MGAM: variants seen among roughly 807,000 people sequenced by gnomAD.
The protein encoded by MGAM is maltase-glucoamylase.
Under a neutral mutation model 358.8 loss-of-function variants are expected in MGAM, and 253 were observed. That is an observed-to-expected ratio of 0.71 (90% CI 0.64 to 0.78). MGAM has a LOEUF of 0.78. Among genes scored for constraint, MGAM ranks in the 30% least tolerant of loss-of-function variants. The pLI, the probability that MGAM is intolerant of heterozygous loss-of-function variation, is 0.00. For missense variants in MGAM, 3,080 were observed against 3,432.6 expected (o/e 0.90, Z 2.57); for synonymous variants, 1,105 against 1,227.1 (o/e 0.90, Z 2.08).
Position 142,088,624 on chromosome 7 carries a change from T to C in MGAM, c.6810+1907T>C, listed in dbSNP as rs189050227. ...TATCTATCTATCTATCCACTCTATCTACTCAGGTTATATCTATCTTTCTAT... is the reference window on the plus strand; with the variant it reads ...TATCTATCTATCTATCCACTCTATCCACTCAGGTTATATCTATCTTTCTAT... On this transcript the variant is annotated intron_variant, in intron 57 of 70. Transcript: ENST00000475668. Among the ~76,000 whole-genome samples, 52 of 143,450 alleles carry C rather than the reference T, an allele frequency of 3.6e-4. 4 individuals are homozygous for C. Among genetic ancestry groups the C allele is most frequent in the African/African-American group, 1.3e-3 (51 of 40,690 alleles). 94.1% of individuals were successfully genotyped at this position (143,450 alleles called of 152,430 possible).
In MGAM at chr7:142,086,195, A is replaced by G. The variant is rs762530968; in HGVS notation, c.6637-23A>G. Reference sequence around the variant, plus strand: ...CATTCTGTGGCTTTGATTTTTCCCAACTGACTTATGCTTTGATTTCAGGAT... The same window carrying G: ...CATTCTGTGGCTTTGATTTTTCCCAGCTGACTTATGCTTTGATTTCAGGAT... On this transcript the variant is annotated intron_variant, in intron 55 of 70. Transcript: ENST00000475668. 11 of 1,506,082 alleles carry G rather than the reference A, an allele frequency of 7.3e-6. 1 individual carries two copies. The highest frequency in any genetic ancestry group is 4.7e-5 in the East Asian group (2 of 42,500). The allele number at this position is 1,506,082 out of a possible 1,614,324, so 93.3% of individuals were successfully genotyped here.
intron 27 of MGAM, among the ~76,000 whole-genome samples, chr7:142,055,178 G>C (rs1811382917): frequency 6.6e-6 from 1 of 152,166 alleles, no homozygotes; most frequent in African/African-American, 2.4e-5. Context: ...ACACAGCTGA[G>C]GTTTCTCTTC....
Position 142,063,535 on chromosome 7 carries a change from G to A in MGAM, c.4294G>A (p.Val1432Ile). 1 of 1,613,824 alleles carries A rather than the reference G, an allele frequency of 6.2e-7. No individual in the cohort carries two copies. The highest frequency in any genetic ancestry group is 8.5e-7 in the Non-Finnish European group (1 of 1,179,826). ...NEPSSFVNGAVSPGCRDASLN... is the reference protein window; with the variant it reads ...NEPSSFVNGAISPGCRDASLN... ...ACCATCAAGCTTCGTGAATGGGGCAGTTTCTCCAGGCTGCAGGGACGCCTC... is the reference window on the plus strand; with the variant it reads ...ACCATCAAGCTTCGTGAATGGGGCAATTTCTCCAGGCTGCAGGGACGCCTC... Residue 1432 changes from valine to isoleucine, a missense_variant, in exon 36 of 71, where the codon GTT (valine) becomes ATT (isoleucine). Val to Ile is a conservative substitution (Grantham distance 29, BLOSUM62 3). Around this residue, in one of 5 missense-constraint regions of MGAM, gnomAD observed 1,816 missense variants for 1,840.5 expected, o/e 0.99. Transcript: ENST00000475668.
intron 43 of MGAM, among the ~76,000 whole-genome samples, chr7:142,070,000 T>A (rs188912508): frequency 4.1e-4 from 59 of 145,416 alleles, no homozygotes; most frequent in African/African-American, 1.4e-3. Flanking sequence ...GAGACCATCC[T>A]AGCTAACACG....
intron 70 of MGAM, among the ~76,000 whole-genome samples, chr7:142,105,078 G>A (rs937633393): frequency 5.3e-5 from 8 of 152,030 alleles, no homozygotes; most frequent in African/African-American, 1.7e-4. Context: ...AAGCTGATGA[G>A]GGCACATGCA....
chr7:141,987,493 G>A (rs934604287), intron 2 of MGAM, among the ~76,000 whole-genome samples: 21 of 152,248 alleles, frequency 1.4e-4, no homozygotes, highest in South Asian at 4.1e-4. Flanking sequence ...GGACGAAGTC[G>A]GATCATCTGT....
intron 36 of MGAM, among the ~76,000 whole-genome samples, chr7:142,064,047 T>G (rs1585041712): frequency 6.6e-6 from 1 of 152,200 alleles, no homozygotes; most frequent in African/African-American, 2.4e-5. Context: ...AAATCTCAGT[T>G]TGCTAAATTG....
chr7:142,020,420 A>G (rs1234558770), intron 4 of MGAM, among the ~76,000 whole-genome samples: 2 of 152,010 alleles, frequency 1.3e-5, no homozygotes, highest in African/African-American at 4.8e-5. Flanking sequence ...GGAGGTTTTC[A>G]ATCAGATTTT....
intron 21 of MGAM, among the ~76,000 whole-genome samples, chr7:142,045,621 A>G (rs1200327798): frequency 1.8e-5 from 2 of 109,634 alleles, no homozygotes; most frequent in Admixed American, 2.6e-4. Context: ...TATTATATAC[A>G]TACAATATAT....
chr7:142,021,590 C>T lies in MGAM; in HGVS notation c.563C>T (p.Thr188Ile). 1.2e-6 allele frequency: 2 copies of T among 1,613,766 alleles called. No homozygotes were observed. Among genetic ancestry groups the T allele is most frequent in the Non-Finnish European group, 1.7e-6 (2 of 1,179,758 alleles). The change falls in exon 6 of 71, where the codon ACT (threonine) becomes ATT (isoleucine). Residue 188 changes from threonine to isoleucine, a missense_variant. Thr to Ile is a moderately conservative substitution (Grantham distance 89). This residue lies in a region of MGAM where 1,816 missense variants were observed against 1,840.5 expected (regional missense o/e 0.99). Transcript: ENST00000475668. The part of the protein sequence containing the change: ...QTSNRFHFKL[T>I]DQTNNRFEVP... ...TCTATTTCTATCTCTGCACAGTTGA[C>T]TGACCAAACCAATAACAGGTTTGAA...
At chr7:142,033,545 A>G (rs782238917) in intron 14 of MGAM, among the ~76,000 whole-genome samples, 4 of 152,308 alleles carry the variant, frequency 2.6e-5, no homozygotes, top group Non-Finnish European at 4.4e-5. Flanking sequence ...AGGCTTCAAT[A>G]TGGTGGGAAG....
chr7:142,061,327 G>A (rs537190774), intron 34 of MGAM, among the ~76,000 whole-genome samples: 2 of 151,972 alleles, frequency 1.3e-5, no homozygotes, highest in African/African-American at 4.8e-5. Context: ...TTCTAACCCT[G>A]CCTGATCTGG....
intron 13 of MGAM, among the ~76,000 whole-genome samples, chr7:142,032,584 T>C (rs1265424107): frequency 6.6e-6 from 1 of 152,134 alleles, no homozygotes; most frequent in African/African-American, 2.4e-5. Flanking sequence ...TCACCTGATA[T>C]GTTTGGGAAT....
At chr7:142,027,570 C>G in intron 9 of MGAM, 40 bp from the exon 10 acceptor site, 1 of 1,607,682 alleles carries the variant, frequency 6.2e-7, no homozygotes, top group Non-Finnish European at 8.5e-7. Context: ...TTATTAAAAA[C>G]AGAGTATTTG....
chr7:142,064,397 G>A lies in MGAM; in HGVS notation c.4359G>A (p.Arg1453=), dbSNP rs749019137. ...CTTCCTCCTCAGATTTGGAGTCCAG[G>A]GACAGGGGCCTGAGCAGCAAGACCC... ...HPPYMPHLES[R]DRGLSSKTLC... Residue 1453 remains arginine (R), a synonymous_variant, in exon 37 of 71, where the codon AGG becomes AGA. Transcript: ENST00000475668. 10 of 1,608,506 alleles carry A rather than the reference G, an allele frequency of 6.2e-6. 1 individual carries two copies. The South Asian group carries it at 6.7e-5, about 11-fold the overall frequency.
intron 1 of MGAM, among the ~76,000 whole-genome samples, chr7:142,003,533 T>A (rs782289992): frequency 6.6e-6 from 1 of 151,988 alleles, no homozygotes; most frequent in Non-Finnish European, 1.5e-5. Context: ...TCTCTCACCA[T>A]GTACAAAAAT....
intron 67 of MGAM, 77 bp downstream of exon 67, chr7:142,099,814 G>A (rs1816289944): frequency 1.9e-6 from 3 of 1,562,342 alleles, no homozygotes; most frequent in Admixed American, 3.8e-5. Context: ...CAAAATGTAA[G>A]CATCACTCTC....
Position 142,076,731 on chromosome 7 carries a change from A to T in MGAM, c.5398A>T (p.Ile1800Phe). Residue 1800 changes from isoleucine (I) to phenylalanine (F), a missense_variant, in exon 47 of 71, where the codon ATT becomes TTT. Ile to Phe is a conservative substitution (Grantham distance 21, BLOSUM62 0). Around this residue, in one of 5 missense-constraint regions of MGAM, gnomAD observed 932 missense variants for 1,198.2 expected, o/e 0.78. Transcript: ENST00000475668. The part of the protein sequence containing the change: ...PNNLAFNEIK[I>F]LGMEEPSNVT... ...TAATTTAGCATTCAATGAGATTAAA[A>T]TTCTTGGGATGGAGGAACCTAGCAA... 6.4e-7 allele frequency: 1 copy of T among 1,553,480 alleles called. No homozygotes were observed. The highest frequency in any genetic ancestry group is 1.7e-5 in the Admixed American group (1 of 58,388).
chr7:142,081,818 C>T (rs556465010), intron 50 of MGAM, among the ~76,000 whole-genome samples: 1 of 145,252 alleles, frequency 6.9e-6, no homozygotes, highest in African/African-American at 2.4e-5. Flanking sequence ...TTGTAGAGGA[C>T]CACTGAAAGG....
Sources: allele counts gnomAD v4.1 joint callset (sites outside exome capture counted in the v4.1 genomes callset), GRCh38; gene constraint gnomAD v4.1.1; regional missense constraint gnomAD v4.1.1; transcripts MANE v1.5; gene names NCBI Gene and HGNC (gene_info 2026-07-23, HGNC 2026-07-21).